CCT4: variants seen among roughly 807,000 people sequenced by gnomAD.
The protein encoded by CCT4 is chaperonin containing TCP1 subunit 4, also known as T-complex protein 1 subunit delta.
Under a neutral mutation model 62.5 loss-of-function variants are expected in CCT4, and 17 were observed. The observed-to-expected ratio is 0.27, with a 90% CI of 0.19 to 0.41. The LOEUF (loss-of-function observed/expected upper bound fraction) is 0.41, where lower values mean the gene tolerates loss of function less well. Ranked by LOEUF, CCT4 falls within the 10% of genes least tolerant of loss-of-function variation. The probability of loss-of-function intolerance (pLI) is 1.00; values close to 1 mark genes in which losing one functional copy is unlikely to be tolerated. For missense variants in CCT4, 592 were observed against 659.2 expected (o/e 0.90, Z 1.12); for synonymous variants, 250 against 229.9 (o/e 1.09, Z -0.79).
rs1330595777 is a variant in CCT4, at chr2:61,888,571, G to T, written c.-64C>A. The T allele has an allele frequency of 2.5e-6, 4 of 1,569,634 alleles. No homozygotes were observed. The highest frequency in any genetic ancestry group is 2.7e-5 in the African/African-American group (2 of 74,046). ...GGATGGACCCGGATTCTGGCCGGCC[G>T]CAGTGTAATAACGGTAAGCCCTCAC... is the stretch of plus-strand genomic sequence containing the variant. On this transcript the variant is annotated 5_prime_UTR_variant, in exon 1 of 14. Transcript: ENST00000394440.
intron 7 of CCT4, among the ~76,000 whole-genome samples, chr2:61,876,548 C>T (rs766244809): frequency 4.6e-5 from 7 of 152,082 alleles, no homozygotes; most frequent in Non-Finnish European, 1.0e-4. Context: ...TGTAAATTAA[C>T]AGCAACAGTG....
In CCT4 at chr2:61,872,157, A is replaced by T; in HGVS notation, c.1416T>A (p.Asn472Lys). Residue 472 changes from asparagine to lysine, a missense_variant, in exon 12 of 14, where the codon AAT becomes AAA. This residue lies in a region of CCT4 where 522 missense variants were observed against 571.2 expected (regional missense o/e 0.91). Transcript: ENST00000394440. ...TTAGTTCTGTTACTGTAGAAATGGGATTCAGGCCGGCATTTTCAGCTAGTG... is the reference window on the plus strand; with the variant it reads ...TTAGTTCTGTTACTGTAGAAATGGGTTTCAGGCCGGCATTTTCAGCTAGTG... Reference protein sequence around the residue: ...PSTLAENAGLNPISTVTELRN... With the variant: ...PSTLAENAGLKPISTVTELRN... 1 of 1,614,040 alleles carries T rather than the reference A, an allele frequency of 6.2e-7. No homozygotes were observed.
At chr2:61,875,998 G>A in intron 8 of CCT4, 97 bp downstream of exon 8, 4 of 706,812 alleles carry the variant, frequency 5.7e-6, no homozygotes, top group Non-Finnish European at 9.2e-6. Flanking sequence ...CGAACTTAGA[G>A]TAAGTGCTTA....
rs1050277351 is a variant in CCT4, at chr2:61,877,057, G to A, written c.645-5C>T. ...TCACAGTCATCAATTGTCCCACTAA[G>A]GATAAAAGAAAACAAAGAGGGGTAG... On this transcript the variant is annotated splice_polypyrimidine_tract_variant and splice_region_variant and intron_variant, in intron 6 of 13. Coordinates refer to ENST00000394440, the MANE Select transcript of CCT4 (RefSeq NM_006430.4). 2 of 1,611,108 alleles carry A rather than the reference G, an allele frequency of 1.2e-6. No individual in the cohort carries two copies. The highest frequency in any genetic ancestry group is 1.7e-6 in the Non-Finnish European group (2 of 1,178,762).
At position 61,876,919 on chromosome 2, in the gene CCT4, C is replaced by T; in HGVS notation, c.777+1G>A. Reference sequence around the variant, plus strand: ...ACCAATTTCATTTGGATTCTACTTACGTCTGTTTTGGGAGCAGATAAGCAA... The same window carrying T: ...ACCAATTTCATTTGGATTCTACTTATGTCTGTTTTGGGAGCAGATAAGCAA... On this transcript the variant is annotated splice_donor_variant, in intron 7 of 13. Transcript: ENST00000394440. LOFTEE classifies it high-confidence loss of function. 6.2e-7 allele frequency: 1 copy of T among 1,605,550 alleles called. No homozygotes were observed. Among genetic ancestry groups the T allele is most frequent in the Non-Finnish European group, 8.5e-7 (1 of 1,177,106 alleles).
intron 3 of CCT4, 122 bp from the exon 4 acceptor site, chr2:61,880,516 C>A: frequency 1.5e-6 from 1 of 657,094 alleles, no homozygotes; most frequent in Non-Finnish European, 2.7e-6. Flanking sequence ...TTCCTGATTT[C>A]TTCTGATTTG....
chr2:61,877,756 G>A (rs1428807609), intron 5 of CCT4, among the ~76,000 whole-genome samples: 1 of 152,124 alleles, frequency 6.6e-6, no homozygotes, highest in East Asian at 1.9e-4. Context: ...AGCCGGGACT[G>A]TAGAATATCA....
At chr2:61,882,466 T>C (rs1669139518) in intron 3 of CCT4, among the ~76,000 whole-genome samples, 1 of 152,042 alleles carries the variant, frequency 6.6e-6, no homozygotes, top group Non-Finnish European at 1.5e-5. Flanking sequence ...AATAATCATA[T>C]GAAAGGAAAA....
intron 12 of CCT4, among the ~76,000 whole-genome samples, chr2:61,869,879 G>T (rs539553069): frequency 6.6e-6 from 1 of 150,472 alleles, no homozygotes; most frequent in Non-Finnish European, 1.5e-5. Context: ...TGATCTGCCC[G>T]CCTTGGCCTC....
chr2:61,882,600 C>T (rs1176948694), intron 3 of CCT4, among the ~76,000 whole-genome samples: 2 of 152,056 alleles, frequency 1.3e-5, no homozygotes, highest in Non-Finnish European at 2.9e-5. Flanking sequence ...ACTACCTCCC[C>T]TGGACTCAAA....
intron 1 of CCT4, 52 bp downstream of exon 1, chr2:61,888,329 G>C (rs933793847): frequency 7.0e-6 from 11 of 1,577,580 alleles, no homozygotes; most frequent in Middle Eastern, 1.7e-4. Flanking sequence ...CCCACGATGA[G>C]AGCGCAGAGC....
At chr2:61,886,270 T>A (rs1399236841) in intron 1 of CCT4, among the ~76,000 whole-genome samples, 1 of 152,038 alleles carries the variant, frequency 6.6e-6, no homozygotes, top group African/African-American at 2.4e-5. Context: ...GAGCCGGGTG[T>A]GGCGGTGCGC....
At chr2:61,881,843 TATAA>T (rs961666890) in intron 3 of CCT4, among the ~76,000 whole-genome samples, 4 of 152,012 alleles carry the variant, frequency 2.6e-5, no homozygotes, top group African/African-American at 9.7e-5. Context: ...TTGTTTCCAT[TATAA>T]ATAAATTTGA....
At chr2:61,876,274 AT>A in intron 7 of CCT4, 40 bp from the exon 8 acceptor site, 1 of 1,493,048 alleles carries the variant, frequency 6.7e-7, no homozygotes, top group Non-Finnish European at 9.1e-7. Context: ...ATTGTAAGAT[AT>A]TTTAAGTTTA....
At chr2:61,882,842 A>C (rs1669149092) in intron 3 of CCT4, among the ~76,000 whole-genome samples, 1 of 148,422 alleles carries the variant, frequency 6.7e-6, no homozygotes, top group African/African-American at 2.5e-5. Flanking sequence ...TCACTCTGTC[A>C]CTCAGAATGG....
At chr2:61,882,518 T>C (rs1348506845) in intron 3 of CCT4, among the ~76,000 whole-genome samples, 1 of 151,788 alleles carries the variant, frequency 6.6e-6, no homozygotes, top group Non-Finnish European at 1.5e-5. Flanking sequence ...CTTGTGTTTC[T>C]TTCTTTTTTT....
intron 12 of CCT4, among the ~76,000 whole-genome samples, chr2:61,870,213 T>C (rs1163436191): frequency 4.6e-5 from 7 of 151,260 alleles, no homozygotes. Flanking sequence ...GGAGGCGGAG[T>C]GCAGTGAGCC....
chr2:61,877,089 G>A lies in CCT4; in HGVS notation c.645-37C>T, dbSNP rs775653936. 1.9e-6 allele frequency: 3 copies of A among 1,584,720 alleles called. No individual in the cohort carries two copies. The South Asian group carries it at 3.3e-5, about 18-fold the overall frequency. ...AGAAAACAAAGAGGGGTAGTTAAGA[G>A]GGAGTGGACATCTGTACGTTTAATA... On this transcript the variant is annotated intron_variant, in intron 6 of 13. Coordinates refer to ENST00000394440, the MANE Select transcript of CCT4 (RefSeq NM_006430.4).
chr2:61,876,345 A>G (rs1669000990), intron 7 of CCT4, 111 bp from the exon 8 acceptor site: 2 of 718,530 alleles, frequency 2.8e-6, no homozygotes, highest in South Asian at 2.5e-5. Context: ...AACTATATCA[A>G]GTAATAAATT....
Sources: allele counts gnomAD v4.1 joint callset (sites outside exome capture counted in the v4.1 genomes callset), GRCh38; gene constraint gnomAD v4.1.1; regional missense constraint gnomAD v4.1.1; transcripts MANE v1.5; gene names NCBI Gene and HGNC (gene_info 2026-07-23, HGNC 2026-07-21).